The following GSPT1 variants were observed in gnomAD, a reference collection of about 807,000 sequenced individuals.
GSPT1 encodes the protein eukaryotic peptide chain release factor GTP-binding subunit ERF3A.
In GSPT1, 20 loss-of-function variants were observed where a neutral mutation model predicts 72.5. That is an observed-to-expected ratio of 0.28 (90% CI 0.19 to 0.40). The LOEUF is 0.40. GSPT1 is among the 10% of genes least tolerant of loss of function. GSPT1 has a pLI of 1.00. For synonymous variants in GSPT1, 334 were observed against 293.5 expected, an observed-to-expected ratio of 1.14 and a Z score of -1.41; for missense variants, 580 against 811.9, an observed-to-expected ratio of 0.71 and a Z score of 3.47.
At chr16:11,914,871 G>A (rs1308865216) in intron 1 of GSPT1, 2 of 547,458 alleles carry the variant, frequency 3.7e-6, no homozygotes, top group Non-Finnish European at 6.1e-6. Context: ...AGTTTAAACC[G>A]TAATTACAGT....
In GSPT1 at chr16:11,886,934, A is replaced by G; in HGVS notation, c.958-3T>C. On this transcript the variant is annotated splice_region_variant and splice_polypyrimidine_tract_variant and intron_variant, in intron 7 of 14. Transcript: ENST00000434724. Reference sequence around the variant, plus strand: ...TCTCCTTTCCTGGCTGAGATTACCTAATTCCAAGAAAGGAAACAGTTTACT... The same window carrying G: ...TCTCCTTTCCTGGCTGAGATTACCTGATTCCAAGAAAGGAAACAGTTTACT... 1 of 1,612,932 alleles carries G rather than the reference A, an allele frequency of 6.2e-7. No individual in the cohort carries two copies. Among genetic ancestry groups the G allele is most frequent in the South Asian group, 1.1e-5 (1 of 91,014 alleles).
upstream of GSPT1, chr16:11,916,094 G>T: frequency 2.1e-6 from 1 of 486,906 alleles, no homozygotes; most frequent in Non-Finnish European, 3.9e-6. Flanking sequence ...GCTATTTAGC[G>T]CGGCGGGAGG....
At chr16:11,880,462 A>G (rs1035867173) in intron 11 of GSPT1, among the ~76,000 whole-genome samples, 1 of 152,154 alleles carries the variant, frequency 6.6e-6, no homozygotes, top group Non-Finnish European at 1.5e-5. Flanking sequence ...AATTCTCCAC[A>G]TCCTTGCCAA....
chr16:11,886,432 C>G, intron 9 of GSPT1, 39 bp downstream of exon 9: 1 of 1,431,274 alleles, frequency 7.0e-7, no homozygotes, highest in Non-Finnish European at 9.7e-7. Context: ...GTAATAACAT[C>G]CTTTTCCTTT....
rs2054252846 is a variant in GSPT1, at chr16:11,891,121, A to C, written c.717T>G (p.Val239=). The part of the protein sequence containing the change: ...GGQIMYLTGM[V]DKRTLEKYER... ...CATACTTTTCAAGCGTCCTTTTGTC[A>C]ACCATTCCAGTCAAATACCTGAAAA... is the stretch of plus-strand genomic sequence containing the variant. The change falls in exon 6 of 15, where the codon GTT becomes GTG. Residue 239 remains valine, a synonymous_variant. Transcript: ENST00000434724. 1 of 1,499,854 alleles carries C rather than the reference A, an allele frequency of 6.7e-7. No homozygotes were observed. Among genetic ancestry groups the C allele is most frequent in the Admixed American group, 2.1e-5 (1 of 48,388 alleles). The allele number at this position is 1,499,854 out of a possible 1,614,324, so 92.9% of individuals were successfully genotyped here. A position where few individuals can be genotyped will look rare whatever the true frequency, so the allele number is the denominator to read the frequency against.
rs145304187 is a variant in GSPT1 at position 11,907,175 on chromosome 16, C to A, written c.352+8194G>T. ...CCTACTTATGACAAATGTCATTCTG[C>A]TACTACTGAGACAGAACACAGAGAA... On this transcript the variant is annotated intron_variant, in intron 1 of 14. Transcript: ENST00000434724. Among the ~76,000 whole-genome samples the A allele has an allele frequency of 2.2e-3, 332 of 152,304 alleles. 2 individuals carry two copies. Among genetic ancestry groups the A allele is most frequent in the South Asian group, 6.8e-3 (33 of 4,830 alleles).
intron 5 of GSPT1, among the ~76,000 whole-genome samples, chr16:11,894,612 T>G (rs2054311901): frequency 6.6e-6 from 1 of 152,152 alleles, no homozygotes; most frequent in African/African-American, 2.4e-5. Flanking sequence ...CAGAAACACA[T>G]TTAACACTAG....
chr16:11,899,562 T>C (rs1423325709), intron 1 of GSPT1, among the ~76,000 whole-genome samples: 10 of 152,076 alleles, frequency 6.6e-5, no homozygotes. Flanking sequence ...GACCCCAAGC[T>C]GTGGGATGAG....
At chr16:11,901,007 A>G (rs1003144018) in intron 1 of GSPT1, among the ~76,000 whole-genome samples, 1 of 150,828 alleles carries the variant, frequency 6.6e-6, no homozygotes, top group Non-Finnish European at 1.5e-5. Flanking sequence ...AAGAAAAACA[A>G]AAAACAAAAA....
At chr16:11,889,749 G>C (rs1220163982) in intron 6 of GSPT1, among the ~76,000 whole-genome samples, 1 of 151,068 alleles carries the variant, frequency 6.6e-6, no homozygotes, top group Non-Finnish European at 1.5e-5. Context: ...CAGGTGATCC[G>C]CCTGCCTCGG....
chr16:11,899,552 G>A (rs1318986664), intron 1 of GSPT1, among the ~76,000 whole-genome samples: 1 of 152,132 alleles, frequency 6.6e-6, no homozygotes, highest in Non-Finnish European at 1.5e-5. Context: ...GGTCTAAGAT[G>A]ACCCCAAGCT....
intron 14 of GSPT1, among the ~76,000 whole-genome samples, chr16:11,874,148 AG>A (rs1295412570): frequency 3.3e-5 from 5 of 152,178 alleles, no homozygotes; most frequent in Non-Finnish European, 7.4e-5. Context: ...AACAGGTGTA[AG>A]GTTTCTTTTT....
chr16:11,891,046 T>C lies in GSPT1; in HGVS notation c.776+16A>G, dbSNP rs2141292532. The C allele has an allele frequency of 8.3e-7, 1 of 1,207,978 alleles. No individual in the cohort carries two copies. Among genetic ancestry groups the C allele is most frequent in the Non-Finnish European group, 1.2e-6 (1 of 844,404 alleles). 74.8% of individuals were successfully genotyped at this position (1,207,978 alleles called of 1,614,324 possible). ...CCTTAAAAGTAATTTATAAGTGTCA[T>C]AAAAGTTTACTATACCAAGTTTCTC... On this transcript the variant is annotated intron_variant, in intron 6 of 14. Coordinates refer to ENST00000434724, the MANE Select transcript of GSPT1 (RefSeq NM_002094.4).
In GSPT1 at chr16:11,877,136, T is replaced by C. The variant is rs555593730; in HGVS notation, c.1602+271A>G. On this transcript the variant is annotated intron_variant, in intron 12 of 14. Coordinates refer to ENST00000434724, the MANE Select transcript of GSPT1 (RefSeq NM_002094.4). The surrounding 1 kb of genome is among the most constrained non-coding windows in gnomAD (Gnocchi z 4.0). ...TGCTCTGGTCAAAGTGAATATTAGA[T>C]ACTGTAGAATGTATCATCAGGAGAT... 6.6e-6 allele frequency among the ~76,000 whole-genome samples: 1 copy of C among 152,306 alleles called. No homozygotes were observed. The highest frequency in any genetic ancestry group is 2.1e-4 in the South Asian group (1 of 4,820).
At position 11,877,783 on chromosome 16, in the gene GSPT1, G is replaced by A. The variant is rs966601914; in HGVS notation, c.1429-203C>T. Among the ~76,000 whole-genome samples the A allele has an allele frequency of 1.3e-5, 2 of 152,258 alleles. No individual in the cohort carries two copies. The highest frequency in any genetic ancestry group is 1.9e-4 in the East Asian group (1 of 5,188). On this transcript the variant is annotated intron_variant, in intron 11 of 14. Coordinates refer to ENST00000434724, the MANE Select transcript of GSPT1 (RefSeq NM_002094.4). This position sits in a 1 kb window ranked among gnomAD's most constrained non-coding sequence, Gnocchi z 4.0. Reference sequence around the variant, plus strand: ...TATAACTGCCAATTAAAGTATTAACGTGTCACCTTTTAAATATCACATTCT... The same window carrying A: ...TATAACTGCCAATTAAAGTATTAACATGTCACCTTTTAAATATCACATTCT...
chr16:11,909,418 C>G lies in GSPT1; in HGVS notation c.352+5951G>C, dbSNP rs1465765693. Among the ~76,000 whole-genome samples the G allele has an allele frequency of 3.9e-5, 6 of 152,172 alleles. No homozygotes were observed. In the East Asian group the frequency reaches 9.6e-4, roughly 24 times the overall value. On this transcript the variant is annotated intron_variant, in intron 1 of 14. Transcript: ENST00000434724. The stretch of plus-strand genomic sequence containing the variant: ...AAAACTGTCAGTTTTCTTGATTGTT[C>G]TGAGGACCTCAGATCCTTCAACTAG...
At chr16:11,909,583 T>C (rs1180725589) in intron 1 of GSPT1, among the ~76,000 whole-genome samples, 1 of 152,144 alleles carries the variant, frequency 6.6e-6, no homozygotes, top group African/African-American at 2.4e-5. Context: ...ACAAGTACTG[T>C]AAAAAGATAA....
At chr16:11,881,256 G>A (rs1009287157) in intron 11 of GSPT1, 3 of 152,096 alleles carry the variant, frequency 2.0e-5, no homozygotes, top group African/African-American at 7.2e-5. Flanking sequence ...GGACTAAACT[G>A]AAGTGAGTTT....
intron 11 of GSPT1, among the ~76,000 whole-genome samples, chr16:11,880,430 C>A (rs2054107430): frequency 6.6e-6 from 1 of 152,164 alleles, no homozygotes; most frequent in Non-Finnish European, 1.5e-5. Flanking sequence ...TTTTACATGA[C>A]CAACAGTGCA....
Sources: allele counts gnomAD v4.1 joint callset (sites outside exome capture counted in the v4.1 genomes callset), GRCh38; gene constraint gnomAD v4.1.1; non-coding constraint Gnocchi (gnomAD v3.1); transcripts MANE v1.5; gene names NCBI Gene and HGNC (gene_info 2026-07-23, HGNC 2026-07-21).